LEPR: variants seen among roughly 807,000 people sequenced by gnomAD.
LEPR encodes leptin receptor, also known as OB receptor.
Under a neutral mutation model 114.7 loss-of-function variants are expected in LEPR, and 56 were observed. The observed-to-expected ratio is 0.49, with a 90% CI of 0.39 to 0.61. The LOEUF is 0.61. LEPR is among the 20% of genes least tolerant of loss of function. LEPR has a pLI of 0.00. For missense variants in LEPR, 1,202 were observed against 1,352.9 expected (o/e 0.89, Z 1.75); for synonymous variants, 443 against 461.4 (o/e 0.96, Z 0.51).
intron 2 of LEPR, among the ~76,000 whole-genome samples, chr1:65,494,434 T>G (rs546788936): frequency 1.3e-4 from 20 of 152,244 alleles, no homozygotes; most frequent in African/African-American, 4.3e-4. Context: ...TTCTGACTTC[T>G]GGATTCTCAA....
At chr1:65,422,164 A>G (rs1646263878) in intron 1 of LEPR, among the ~76,000 whole-genome samples, 2 of 152,236 alleles carry the variant, frequency 1.3e-5, no homozygotes, top group Admixed American at 1.3e-4. Flanking sequence ...ATCTTTGCAG[A>G]TATAATCAAA....
At chr1:65,525,960 C>G in intron 2 of LEPR, 4 of 790,666 alleles carry the variant, frequency 5.1e-6, no homozygotes, top group Non-Finnish European at 6.1e-6. Context: ...GGCAGCTTAG[C>G]GGGACCACCA....
intron 2 of LEPR, among the ~76,000 whole-genome samples, chr1:65,557,367 T>C (rs970500766): frequency 9.2e-5 from 14 of 152,180 alleles, no homozygotes; most frequent in African/African-American, 3.4e-4. Flanking sequence ...CATCCTATCT[T>C]TAATTTTCCC....
At chr1:65,628,413 T>C (rs982864121) in intron 19 of LEPR, among the ~76,000 whole-genome samples, 1 of 152,212 alleles carries the variant, frequency 6.6e-6, no homozygotes, top group Non-Finnish European at 1.5e-5. Flanking sequence ...GTCCCTCCTC[T>C]TCCTGGAGGA....
chr1:65,428,547 C>A (rs993261926), intron 2 of LEPR, among the ~76,000 whole-genome samples: 5 of 152,194 alleles, frequency 3.3e-5, no homozygotes, highest in African/African-American at 1.2e-4. Context: ...CCTGAGTCCT[C>A]TTGAAGGACA....
chr1:65,606,295 C>G (rs1006467723), intron 11 of LEPR, among the ~76,000 whole-genome samples: 3 of 152,118 alleles, frequency 2.0e-5, no homozygotes, highest in Non-Finnish European at 4.4e-5. Flanking sequence ...TACACTCCCC[C>G]AAACATGCAC....
In LEPR at chr1:65,538,590, A is replaced by T. The variant is rs995244524; in HGVS notation, c.-20-26956A>T. Among the ~76,000 whole-genome samples the T allele has an allele frequency of 3.3e-5, 5 of 152,138 alleles. 1 individual carries two copies. Among genetic ancestry groups the T allele is most frequent in the Non-Finnish European group, 7.4e-5 (5 of 68,026 alleles). ...TTCTCTCGGATACTTCTTTGACTGG[A>T]TGTAAAATTCTAAACTGAAAAGAAT... On this transcript the variant is annotated intron_variant, in intron 2 of 19. Transcript: ENST00000349533.
chr1:65,463,920 T>G (rs1646977477), intron 2 of LEPR, among the ~76,000 whole-genome samples: 1 of 152,212 alleles, frequency 6.6e-6, no homozygotes, highest in Non-Finnish European at 1.5e-5. Context: ...TAAGGAGATT[T>G]TGGGCTGAGA....
At chr1:65,450,187 T>A (rs962443122) in intron 2 of LEPR, among the ~76,000 whole-genome samples, 1 of 152,206 alleles carries the variant, frequency 6.6e-6, no homozygotes, top group Non-Finnish European at 1.5e-5. Context: ...AAATGTTCCA[T>A]GTGAACTGGA....
At chr1:65,635,740 G>T (rs754754684) in intron 19 of LEPR, among the ~76,000 whole-genome samples, 1 of 151,794 alleles carries the variant, frequency 6.6e-6, no homozygotes, top group Non-Finnish European at 1.5e-5. Flanking sequence ...TTCTATTTTG[G>T]GCTAACATTT....
intron 2 of LEPR, among the ~76,000 whole-genome samples, chr1:65,558,513 T>TTTTTTTTTTTTTTTTTA: frequency 8.8e-6 from 1 of 113,860 alleles, no homozygotes; most frequent in African/African-American, 3.5e-5. Context: ...TTTTTTTTTT[T>TTTTTTTTTTTTTTTTTA]TTTGAATCAG....
intron 2 of LEPR, chr1:65,433,300 C>T: frequency 1.0e-6 from 1 of 985,392 alleles, no homozygotes; most frequent in Non-Finnish European, 1.2e-6. Context: ...TGTTGATGTA[C>T]TTGTCTTCCG....
At chr1:65,565,841 T>A (rs1314189706) in intron 3 of LEPR, among the ~76,000 whole-genome samples, 4 of 124,666 alleles carry the variant, frequency 3.2e-5, no homozygotes, top group Admixed American at 1.6e-4. Flanking sequence ...ATCCTCTCTC[T>A]CTCTCACACA....
At chr1:65,583,484 A>G (rs10889563) in intron 5 of LEPR, among the ~76,000 whole-genome samples, 77,983 of 151,822 alleles carry the variant, frequency 0.51, 20,731 homozygotes, top group East Asian at 0.89. Context: ...GTGACATTTC[A>G]TAGGAACTCC....
intron 5 of LEPR, chr1:65,578,242 A>G (rs1290648526): frequency 5.1e-6 from 1 of 195,486 alleles, no homozygotes; most frequent in Non-Finnish European, 1.1e-5. Context: ...AGTCTTTGCT[A>G]TTATGAATAG....
At chr1:65,608,956 G>A (rs1570807824) in intron 12 of LEPR, 55 bp downstream of exon 12, 2 of 1,601,856 alleles carry the variant, frequency 1.2e-6, no homozygotes, top group South Asian at 1.1e-5. Context: ...TTTATAATAT[G>A]TAAGAGTTTA....
At chr1:65,542,974 C>T (rs1355309443) in intron 2 of LEPR, among the ~76,000 whole-genome samples, 2 of 151,922 alleles carry the variant, frequency 1.3e-5, no homozygotes, top group African/African-American at 4.9e-5. Flanking sequence ...TGGGTATATA[C>T]CCAGTAATGG....
chr1:65,455,129 T>A (rs190324876), intron 2 of LEPR, among the ~76,000 whole-genome samples: 11,829 of 152,222 alleles, frequency 0.078, 563 homozygotes, highest in African/African-American at 0.13. Flanking sequence ...GGTTTTCAGC[T>A]CCATCAGCTC....
At chr1:65,565,943 C>T (rs1255317725) in intron 3 of LEPR, among the ~76,000 whole-genome samples, 4 of 152,000 alleles carry the variant, frequency 2.6e-5, no homozygotes, top group Non-Finnish European at 5.9e-5. Flanking sequence ...CTGGTCTGTA[C>T]ATGTTGTTCT....
Sources: allele counts gnomAD v4.1 joint callset (sites outside exome capture counted in the v4.1 genomes callset), GRCh38; gene constraint gnomAD v4.1.1; transcripts MANE v1.5; gene names NCBI Gene and HGNC (gene_info 2026-07-23, HGNC 2026-07-21).